LRCH2: variants seen among roughly 807,000 people sequenced by gnomAD.
The protein encoded by LRCH2 is leucine rich repeats and calponin homology domain containing 2, also known as leucine-rich repeat and calponin homology domain-containing protein 2.
A neutral mutation model predicts 68.9 loss-of-function variants in LRCH2; 38 were observed. That is an observed-to-expected ratio of 0.55 (90% CI 0.43 to 0.72). LRCH2 has a LOEUF of 0.72. Ranked by LOEUF, LRCH2 falls within the 30% of genes least tolerant of loss-of-function variation. The pLI, the probability that LRCH2 is intolerant of heterozygous loss-of-function variation, is 0.00. For missense variants in LRCH2, 528 were observed against 572.9 expected, an observed-to-expected ratio of 0.92 and a Z score of 0.80; for synonymous variants, 191 against 208.1, an observed-to-expected ratio of 0.92 and a Z score of 0.71.
At chrX:115,199,457 A>G (rs1050560511) in intron 1 of LRCH2, among the ~76,000 whole-genome samples, 4 of 112,482 alleles carry the variant, frequency 3.6e-5, no homozygotes, top group Admixed American at 1.9e-4. Flanking sequence ...AAAGGAATAG[A>G]AAGACAGTCC....
At chrX:115,232,204 T>G in intron 1 of LRCH2, among the ~76,000 whole-genome samples, 1 of 107,034 alleles carries the variant, frequency 9.3e-6, no homozygotes, top group East Asian at 2.9e-4. Context: ...TGCTTAAACT[T>G]TGTCCTGCAG....
chrX:115,155,038 CAAAAAAAAAAAAA>C (rs561385926), intron 12 of LRCH2, among the ~76,000 whole-genome samples: 1 of 41,860 alleles, frequency 2.4e-5, no homozygotes, highest in Non-Finnish European at 3.9e-5. Flanking sequence ...AAGACTCTGT[CAAAAAAAAAAAAA>C]AAAAAAAAAA....
intron 1 of LRCH2, among the ~76,000 whole-genome samples, chrX:115,229,265 C>T (rs1556577520): frequency 9.0e-6 from 1 of 111,340 alleles, no homozygotes; most frequent in Non-Finnish European, 1.9e-5. Flanking sequence ...CTGGAAATAA[C>T]ATTAGGATAG....
chrX:115,182,561 C>T (rs1190533107), intron 3 of LRCH2, among the ~76,000 whole-genome samples: 11 of 111,600 alleles, frequency 9.9e-5, no homozygotes, highest in Admixed American at 6.7e-4. Context: ...ACGCTGGGCG[C>T]GGTGGCTGAC....
rs1556529487 is a variant in LRCH2, at chrX:115,130,177, G to A, written c.1718C>T (p.Ser573Leu). 1 of 1,036,608 alleles carries A rather than the reference G, an allele frequency of 9.6e-7. No homozygotes were observed. Among genetic ancestry groups the A allele is most frequent in the Non-Finnish European group, 1.3e-6 (1 of 760,907 alleles). The allele number at this position is 1,036,608 out of a possible 1,213,427, so 85.4% of individuals were successfully genotyped here. A position where few individuals can be genotyped will look rare whatever the true frequency, so the allele number is the denominator to read the frequency against. ...YFKYKSMRKS[S>L]SGNENDEQDS... ...CACCTCATCATTTTCATTGCCACTTGAACTCTTCCTCATTGATTTATACTG... is the reference window on the plus strand; with the variant it reads ...CACCTCATCATTTTCATTGCCACTTAAACTCTTCCTCATTGATTTATACTG... Residue 573 changes from serine to leucine, a missense_variant, in exon 15 of 21, where the codon TCA becomes TTA. Ser to Leu is a moderately radical substitution (Grantham distance 145). Transcript: ENST00000317135.
intron 12 of LRCH2, among the ~76,000 whole-genome samples, chrX:115,151,774 G>A (rs1417749876): frequency 9.0e-6 from 1 of 111,255 alleles, no homozygotes; most frequent in African/African-American, 3.3e-5. Flanking sequence ...CTTTAGAGAT[G>A]AGTAAGGAGG....
At chrX:115,192,840 A>G (rs781883509) in intron 1 of LRCH2, 5 of 447,208 alleles carry the variant, frequency 1.1e-5, no homozygotes, top group Non-Finnish European at 1.9e-5. Context: ...GTTTCTTTCA[A>G]CAAGTTCTTG....
intron 8 of LRCH2, 90 bp from the exon 9 acceptor site, chrX:115,165,745 T>A: frequency 1.1e-6 from 1 of 929,983 alleles, no homozygotes; most frequent in Non-Finnish European, 1.5e-6. Context: ...ATTTTCTCAA[T>A]GTAAGAGTTT....
intron 1 of LRCH2, among the ~76,000 whole-genome samples, chrX:115,197,847 T>TCTCTCTCTCTCTCTCTCTCTCACA (rs782358260): frequency 6.8e-4 from 14 of 20,563 alleles, no homozygotes; most frequent in Admixed American, 2.3e-3. Context: ...TCTCTCTCTC[T>TCTCTCTCTCTCTCTCTCTCTCACA]CACACACACA....
chrX:115,218,932 G>T (rs887988900), intron 1 of LRCH2, among the ~76,000 whole-genome samples: 2 of 111,849 alleles, frequency 1.8e-5, no homozygotes, highest in African/African-American at 6.5e-5. Flanking sequence ...CCCTCCACTG[G>T]CAACAGTTTG....
chrX:115,174,584 C>A (rs2072630783), intron 5 of LRCH2, among the ~76,000 whole-genome samples: 1 of 44,651 alleles, frequency 2.2e-5, no homozygotes, highest in Non-Finnish European at 4.5e-5. Context: ...TCATTACACA[C>A]AAACACACCC....
intron 1 of LRCH2, among the ~76,000 whole-genome samples, chrX:115,213,455 C>A (rs2073021420): frequency 9.0e-6 from 1 of 111,570 alleles, no homozygotes; most frequent in African/African-American, 3.3e-5. Context: ...TGACTCACAG[C>A]CTTTATCATC....
Position 115,188,383 on chromosome X carries a change from T to C in LRCH2, c.350-13A>G, listed in dbSNP as rs1197747933. The C allele has an allele frequency of 8.9e-7, 1 of 1,127,494 alleles. No individual in the cohort carries two copies. 92.9% of individuals were successfully genotyped at this position (1,127,494 alleles called of 1,213,427 possible). The stretch of plus-strand genomic sequence containing the variant: ...TTTCTGGAAAGATCTGAAAAGAAAA[T>C]AGTGAGTATTAAACATATACCTATA... On this transcript the variant is annotated splice_polypyrimidine_tract_variant and intron_variant, in intron 1 of 20. Coordinates refer to ENST00000317135, the MANE Select transcript of LRCH2 (RefSeq NM_020871.4).
chrX:115,200,739 C>T (rs2072924838), intron 1 of LRCH2, among the ~76,000 whole-genome samples: 1 of 110,350 alleles, frequency 9.1e-6, no homozygotes, highest in African/African-American at 3.3e-5. Flanking sequence ...GAAGGAATAC[C>T]GCTCCTCCTG....
chrX:115,205,303 G>A (rs2072957843), intron 1 of LRCH2, among the ~76,000 whole-genome samples: 1 of 111,724 alleles, frequency 9.0e-6, no homozygotes, highest in Non-Finnish European at 1.9e-5. Context: ...CCATATCAAA[G>A]AGTGATTAAT....
intron 1 of LRCH2, chrX:115,189,884 G>C: frequency 8.6e-7 from 1 of 1,163,548 alleles, no homozygotes; most frequent in Non-Finnish European, 1.1e-6. Context: ...CCGATGCCCA[G>C]GAAGCGCGGG....
Position 115,190,753 on chromosome X carries a change from C to T in LRCH2, c.350-2383G>A, listed in dbSNP as rs781862021. ...CTCACACGAGGCCCGCAGCGGGGGCCGCTCCACTGATGCCCACAGCAGGGG... is the reference window on the plus strand; with the variant it reads ...CTCACACGAGGCCCGCAGCGGGGGCTGCTCCACTGATGCCCACAGCAGGGG... On this transcript the variant is annotated intron_variant, in intron 1 of 20. Transcript: ENST00000317135. The T allele has an allele frequency of 2.5e-5, 29 of 1,161,390 alleles. No individual in the cohort carries two copies. In the South Asian group the frequency reaches 2.7e-4, roughly 11 times the overall value.
intron 1 of LRCH2, among the ~76,000 whole-genome samples, chrX:115,223,207 T>C (rs1325634004): frequency 9.0e-6 from 1 of 110,558 alleles, no homozygotes; most frequent in African/African-American, 3.3e-5. Context: ...TAAAGCTAAA[T>C]GTAAAAAAAT....
At chrX:115,181,225 G>T (rs1556552556) in intron 3 of LRCH2, among the ~76,000 whole-genome samples, 1 of 111,327 alleles carries the variant, frequency 9.0e-6, no homozygotes. Context: ...AGAATAGAGG[G>T]AGGGATATGA....
Sources: allele counts gnomAD v4.1 joint callset (sites outside exome capture counted in the v4.1 genomes callset), GRCh38; gene constraint gnomAD v4.1.1; transcripts MANE v1.5; gene names NCBI Gene and HGNC (gene_info 2026-07-23, HGNC 2026-07-21).